The following SYNPR variants were observed in gnomAD, a reference collection of about 807,000 sequenced individuals.
SYNPR encodes the protein synaptoporin.
In SYNPR, 23 loss-of-function variants were observed where a neutral mutation model predicts 32.9. The ratio of observed to expected loss-of-function variants is 0.70; its 90% confidence interval spans 0.50 to 0.99. The LOEUF (loss-of-function observed/expected upper bound fraction) is 0.99. Among genes scored for constraint, SYNPR ranks in the 50% least tolerant of loss-of-function variants. The probability of loss-of-function intolerance (pLI) is 0.00; values close to 1 mark genes in which losing one functional copy is unlikely to be tolerated. For missense variants in SYNPR, 318 were observed against 349.3 expected (o/e 0.91, Z 0.71); for synonymous variants, 146 against 135.9 (o/e 1.07, Z -0.52).
chr3:63,434,770 C>G (rs899417399), intron 2 of SYNPR, among the ~76,000 whole-genome samples: 3 of 152,080 alleles, frequency 2.0e-5, no homozygotes, highest in Non-Finnish European at 4.4e-5. Context: ...TAGAGCTCTC[C>G]CTGTTATAAA....
intron 2 of SYNPR, among the ~76,000 whole-genome samples, chr3:63,453,273 T>C (rs1559503715): frequency 6.6e-6 from 1 of 152,092 alleles, no homozygotes; most frequent in Non-Finnish European, 1.5e-5. Flanking sequence ...CTCAGCTCTC[T>C]TCACAGAGGA....
At chr3:63,503,441 A>G (rs1025849523) in intron 3 of SYNPR, among the ~76,000 whole-genome samples, 1 of 152,110 alleles carries the variant, frequency 6.6e-6, no homozygotes, top group African/African-American at 2.4e-5. Context: ...GAAGAGTTCA[A>G]GTGCTGGCAA....
At chr3:63,603,974 G>T (rs1046656728) in intron 4 of SYNPR, among the ~76,000 whole-genome samples, 1 of 152,048 alleles carries the variant, frequency 6.6e-6, no homozygotes, top group Non-Finnish European at 1.5e-5. Flanking sequence ...ATTCCATCTG[G>T]TCCTGGGCTT....
chr3:63,394,282 C>G (rs2088183920), intron 2 of SYNPR, among the ~76,000 whole-genome samples: 1 of 152,112 alleles, frequency 6.6e-6, no homozygotes. Flanking sequence ...TTTTTTAGTT[C>G]TATTTTCTGC....
intron 4 of SYNPR, among the ~76,000 whole-genome samples, chr3:63,593,198 A>G (rs1699872229): frequency 6.6e-6 from 1 of 152,162 alleles, no homozygotes; most frequent in South Asian, 2.1e-4. Context: ...TAATGCTACT[A>G]CTAATATTAT....
intron 3 of SYNPR, among the ~76,000 whole-genome samples, chr3:63,491,339 T>C (rs1407591553): frequency 6.6e-6 from 1 of 151,830 alleles, no homozygotes; most frequent in African/African-American, 2.4e-5. Context: ...AGGGTTTGGA[T>C]GATTTGGAAA....
At chr3:63,584,487 A>G (rs1439750633) in intron 4 of SYNPR, among the ~76,000 whole-genome samples, 1 of 152,062 alleles carries the variant, frequency 6.6e-6, no homozygotes, top group South Asian at 2.1e-4. Flanking sequence ...AGGAACTGCC[A>G]TCAATAAACC....
At chr3:63,539,432 T>A (rs537413030) in intron 3 of SYNPR, among the ~76,000 whole-genome samples, 7 of 152,098 alleles carry the variant, frequency 4.6e-5, no homozygotes, top group African/African-American at 1.7e-4. Context: ...ATCAGACATA[T>A]CATAGAACTT....
intron 2 of SYNPR, among the ~76,000 whole-genome samples, chr3:63,336,950 G>C (rs2087303216): frequency 6.6e-6 from 1 of 152,010 alleles, no homozygotes; most frequent in African/African-American, 2.4e-5. Flanking sequence ...GTCCATGAAA[G>C]GTCAGGCATG....
intron 2 of SYNPR, among the ~76,000 whole-genome samples, chr3:63,280,515 TAA>T (rs74513168): frequency 3.0e-4 from 44 of 145,354 alleles, no homozygotes; most frequent in Non-Finnish European, 4.2e-4. Context: ...CTTCCAAGCC[TAA>T]AAAAAAAAAA....
At chr3:63,537,004 T>A (rs1702221025) in intron 3 of SYNPR, among the ~76,000 whole-genome samples, 1 of 152,076 alleles carries the variant, frequency 6.6e-6, no homozygotes, top group South Asian at 2.1e-4. Context: ...ATGAAAATGT[T>A]CTGAAATTAG....
intron 4 of SYNPR, among the ~76,000 whole-genome samples, chr3:63,586,588 T>C (rs1031333702): frequency 6.6e-6 from 1 of 151,830 alleles, no homozygotes; most frequent in Admixed American, 6.6e-5. Context: ...ATTTGAGGCC[T>C]AATGATTTTT....
At chr3:63,515,747 A>AAT (rs1701785314) in intron 3 of SYNPR, among the ~76,000 whole-genome samples, 1 of 152,154 alleles carries the variant, frequency 6.6e-6, no homozygotes, top group African/African-American at 2.4e-5. Flanking sequence ...TTCAGAAGGC[A>AAT]CCTGAATGAA....
intron 4 of SYNPR, among the ~76,000 whole-genome samples, chr3:63,598,961 G>A (rs1233229795): frequency 6.6e-6 from 1 of 152,180 alleles, no homozygotes; most frequent in Non-Finnish European, 1.5e-5. Flanking sequence ...TCTCAAGTGT[G>A]AGCCATTTAC....
chr3:63,454,478 G>A (rs894046110), intron 2 of SYNPR, among the ~76,000 whole-genome samples: 1 of 152,106 alleles, frequency 6.6e-6, no homozygotes, highest in East Asian at 1.9e-4. Context: ...AAAATCATTC[G>A]TTATTTTATG....
At position 63,294,827 on chromosome 3, in the gene SYNPR, C is replaced by T. The variant is rs540092744; in HGVS notation, c.84+16085C>T. Among the ~76,000 whole-genome samples the T allele has an allele frequency of 5.3e-5, 8 of 151,990 alleles. No individual in the cohort carries two copies. The South Asian group carries it at 1.2e-3, about 24-fold the overall frequency. On this transcript the variant is annotated intron_variant, in intron 2 of 5. Transcript: ENST00000478300. ...CATTATTATTTTACTTTAAATAATA[C>T]TCGTAAATGTTAGTGCATATTCAGT...
At chr3:63,361,407 ACATG>A (rs1194137738) in intron 2 of SYNPR, among the ~76,000 whole-genome samples, 39 of 152,206 alleles carry the variant, frequency 2.6e-4, no homozygotes, top group Admixed American at 2.4e-3. Context: ...CCAACAAGGT[ACATG>A]GTGAAACCCC....
At chr3:63,395,470 GC>G (rs2088199254) in intron 2 of SYNPR, among the ~76,000 whole-genome samples, 1 of 152,148 alleles carries the variant, frequency 6.6e-6, no homozygotes, top group African/African-American at 2.4e-5. Context: ...CAGGCACTGT[GC>G]TAAGCACTTT....
chr3:63,289,990 C>T (rs553138047), intron 2 of SYNPR, among the ~76,000 whole-genome samples: 39 of 151,904 alleles, frequency 2.6e-4, no homozygotes, highest in African/African-American at 7.2e-4. Context: ...ATTAGCCGGG[C>T]GTGGTGGCGG....
Sources: allele counts gnomAD v4.1 joint callset (sites outside exome capture counted in the v4.1 genomes callset), GRCh38; gene constraint gnomAD v4.1.1; transcripts MANE v1.5; gene names NCBI Gene and HGNC (gene_info 2026-07-23, HGNC 2026-07-21).